Variants in COQ3 observed in about 807,000 individuals in gnomAD.
The protein encoded by COQ3 is ubiquinone biosynthesis O-methyltransferase, mitochondrial.
A neutral mutation model predicts 33.1 loss-of-function variants in COQ3; 29 were observed. That is an observed-to-expected ratio of 0.88 (90% CI 0.65 to 1.19). The LOEUF (loss-of-function observed/expected upper bound fraction) is 1.19, where lower values mean the gene tolerates loss of function less well. Among genes scored for constraint, COQ3 ranks in the 50% most tolerant of loss-of-function variants. The pLI is 0.00. For missense variants in COQ3, 437 were observed against 430.7 expected (o/e 1.01, Z -0.13); for synonymous variants, 173 against 157.8 (o/e 1.10, Z -0.72).
intron 3 of COQ3, 147 bp downstream of exon 3, chr6:99,380,042 G>T: frequency 1.5e-6 from 1 of 669,142 alleles, no homozygotes; most frequent in Non-Finnish European, 2.5e-6. Flanking sequence ...TTCAAACAGT[G>T]GTAATTGAAA....
intron 3 of COQ3, among the ~76,000 whole-genome samples, chr6:99,379,247 T>C (rs1774398882): frequency 6.6e-6 from 1 of 152,190 alleles, no homozygotes; most frequent in African/African-American, 2.4e-5. Context: ...TGCAACTCAC[T>C]GATAAAAAAT....
chr6:99,380,910 A>G (rs1774455793), intron 2 of COQ3, among the ~76,000 whole-genome samples: 2 of 148,138 alleles, frequency 1.4e-5, no homozygotes, highest in Non-Finnish European at 3.0e-5. Context: ...CTGTCTCAAA[A>G]TAAATAAATA....
chr6:99,381,325 C>A lies in COQ3; in HGVS notation c.234-984G>T, dbSNP rs1489428519. ...CCTGAATAAAATGCTTCCATATCTT[C>A]CCAGTGCCATTAGAAAAAAGACCAA... On this transcript the variant is annotated intron_variant, in intron 2 of 6. Transcript: ENST00000254759. Among the ~76,000 whole-genome samples, 3 of 152,172 alleles carry A rather than the reference C, an allele frequency of 2.0e-5. No homozygotes were observed. In the South Asian group the frequency reaches 6.2e-4, roughly 31 times the overall value.
chr6:99,384,616 A>C (rs1489661184), intron 1 of COQ3, among the ~76,000 whole-genome samples: 2 of 152,192 alleles, frequency 1.3e-5, no homozygotes, highest in African/African-American at 4.8e-5. Context: ...ATAAAACCTA[A>C]AATAAACATT....
intron 1 of COQ3, among the ~76,000 whole-genome samples, chr6:99,389,544 A>G (rs1774765394): frequency 6.6e-6 from 1 of 152,214 alleles, no homozygotes; most frequent in African/African-American, 2.4e-5. Flanking sequence ...GACTGTAGCT[A>G]TCTAGTTTCT....
At position 99,376,058 on chromosome 6, in the gene COQ3, G is replaced by C. The variant is rs756063063; in HGVS notation, c.611C>G (p.Ser204Cys). Residue 204 changes from serine (S) to cysteine (C), a missense_variant, in exon 5 of 7, where the codon TCC (serine) becomes TGC (cysteine). By Grantham distance (112) the Ser-to-Cys change is moderately radical. Coordinates refer to ENST00000254759, the MANE Select transcript of COQ3 (RefSeq NM_017421.4). ...AGTCTCTTCCACAATCTCTTCCAGG[G>C]AACACACTCTGTACTCTATTCTCTT... ...LDKRIEYRVC[S>C]LEEIVEETAE... is the part of the protein sequence containing the mutation. The C allele has an allele frequency of 3.1e-6, 5 of 1,613,890 alleles. No homozygotes were observed. Among genetic ancestry groups the C allele is most frequent in the Non-Finnish European group, 4.2e-6 (5 of 1,179,972 alleles).
chr6:99,378,257 T>C (rs1401159031), intron 3 of COQ3, among the ~76,000 whole-genome samples: 1 of 150,978 alleles, frequency 6.6e-6, no homozygotes, highest in Non-Finnish European at 1.5e-5. Flanking sequence ...AGATATCTTC[T>C]ATTGCCATTA....
At chr6:99,381,145 T>C (rs1774462382) in intron 2 of COQ3, among the ~76,000 whole-genome samples, 1 of 152,158 alleles carries the variant, frequency 6.6e-6, no homozygotes, top group Non-Finnish European at 1.5e-5. Flanking sequence ...CCATTTCTAC[T>C]GCCATAATTC....
intron 5 of COQ3, among the ~76,000 whole-genome samples, chr6:99,374,549 CT>C (rs1210965768): frequency 4.6e-5 from 7 of 152,158 alleles, no homozygotes; most frequent in African/African-American, 1.7e-4. Context: ...AGGATGTCAC[CT>C]CCTAAATATG....
At chr6:99,385,542 G>A (rs565852226) in intron 1 of COQ3, among the ~76,000 whole-genome samples, 38 of 152,152 alleles carry the variant, frequency 2.5e-4, no homozygotes, top group African/African-American at 8.7e-4. Context: ...CAATCCATAA[G>A]TCAAAGACAA....
intron 1 of COQ3, among the ~76,000 whole-genome samples, chr6:99,388,188 TA>T (rs1562209828): frequency 6.6e-6 from 1 of 151,308 alleles, no homozygotes; most frequent in South Asian, 2.1e-4. Context: ...TAAAATAAAA[TA>T]AAAAAAGAAA....
chr6:99,384,988 G>A (rs1774582132), intron 1 of COQ3, among the ~76,000 whole-genome samples: 1 of 152,164 alleles, frequency 6.6e-6, no homozygotes, highest in Non-Finnish European at 1.5e-5. Context: ...GCATGTGCCT[G>A]TAATCCCAGC....
intron 5 of COQ3, among the ~76,000 whole-genome samples, chr6:99,372,125 G>A (rs932949282): frequency 1.3e-5 from 2 of 151,926 alleles, no homozygotes; most frequent in African/African-American, 2.4e-5. Context: ...AAGAGTGGCC[G>A]GCCGTGGTGA....
At chr6:99,377,521 AATT>A (rs747077241) in intron 3 of COQ3, 36 bp from the exon 4 acceptor site, 2 of 1,455,702 alleles carry the variant, frequency 1.4e-6, no homozygotes, top group African/African-American at 2.8e-5. Flanking sequence ...CAAAACAAAT[AATT>A]AATTTTATCA....
chr6:99,386,853 A>G (rs952226752), intron 1 of COQ3, among the ~76,000 whole-genome samples: 50 of 152,310 alleles, frequency 3.3e-4, no homozygotes, highest in African/African-American at 1.1e-3. Flanking sequence ...TCTACCAAAC[A>G]CTTAAAGAGA....
chr6:99,369,851 T>C (rs1316907713), intron 6 of COQ3, 31 bp from the exon 7 acceptor site: 1 of 1,394,356 alleles, frequency 7.2e-7, no homozygotes, highest in Non-Finnish European at 9.9e-7. Context: ...AAAGAGTAGA[T>C]TTAATAAATA....
At chr6:99,376,235 A>C in intron 4 of COQ3, 53 bp from the exon 5 acceptor site, 1 of 1,559,908 alleles carries the variant, frequency 6.4e-7, no homozygotes, top group South Asian at 1.2e-5. Context: ...AGCACATGTT[A>C]GCAATAAAAA....
chr6:99,375,320 G>A (rs192552500), intron 5 of COQ3, among the ~76,000 whole-genome samples: 5 of 151,226 alleles, frequency 3.3e-5, no homozygotes, highest in Admixed American at 1.3e-4. Context: ...ATTTAATCCC[G>A]ACTGCACCAG....
chr6:99,390,483 G>A (rs1247421662), intron 1 of COQ3, among the ~76,000 whole-genome samples: 2 of 151,880 alleles, frequency 1.3e-5, no homozygotes, highest in African/African-American at 2.4e-5. Flanking sequence ...ACAGGTGCCC[G>A]CCACCACGCC....
Sources: allele counts gnomAD v4.1 joint callset (sites outside exome capture counted in the v4.1 genomes callset), GRCh38; gene constraint gnomAD v4.1.1; transcripts MANE v1.5; gene names NCBI Gene and HGNC (gene_info 2026-07-23, HGNC 2026-07-21).